KLHL30: variants seen among roughly 807,000 people sequenced by gnomAD.
The protein encoded by KLHL30 is kelch-like protein 30.
A neutral mutation model predicts 55.0 loss-of-function variants in KLHL30; 55 were observed. The observed-to-expected ratio is 1.00, with a 90% CI of 0.80 to 1.25. The LOEUF (loss-of-function observed/expected upper bound fraction) is 1.25. Ranked by LOEUF, KLHL30 falls within the 50% of genes most tolerant of loss-of-function variation. KLHL30 has a pLI of 0.00. For synonymous variants in KLHL30, 356 were observed against 372.6 expected, an observed-to-expected ratio of 0.96 and a Z score of 0.51; for missense variants, 786 against 811.6, an observed-to-expected ratio of 0.97 and a Z score of 0.38.
intron 7 of KLHL30, among the ~76,000 whole-genome samples, chr2:238,149,778 A>G (rs760619382): frequency 6.6e-6 from 1 of 152,046 alleles, no homozygotes; most frequent in Non-Finnish European, 1.5e-5. Context: ...CCATCCCACC[A>G]TGGCCCACTC....
chr2:238,143,022 C>T, intron 3 of KLHL30, 91 bp downstream of exon 3: 2 of 1,377,630 alleles, frequency 1.5e-6, no homozygotes, highest in South Asian at 1.8e-5. Context: ...GCGCATGAGG[C>T]TCGCAGAGGA....
Position 238,151,185 on chromosome 2 carries a change from T to C in KLHL30, c.*120T>C. On this transcript the variant is annotated 3_prime_UTR_variant, in exon 8 of 8. Transcript: ENST00000409223. ...AGCTACCATTCCTTCCAAGCTGCGCTCAGGCCACCAGGGGTGATCAGACGG... is the reference window on the plus strand; with the variant it reads ...AGCTACCATTCCTTCCAAGCTGCGCCCAGGCCACCAGGGGTGATCAGACGG... The C allele has an allele frequency of 1.5e-6, 2 of 1,374,576 alleles. No individual in the cohort carries two copies. The highest frequency in any genetic ancestry group is 2.0e-6 in the Non-Finnish European group (2 of 1,017,606). 85.1% of individuals were successfully genotyped at this position (1,374,576 alleles called of 1,614,324 possible). A position where few individuals can be genotyped will look rare whatever the true frequency, so the allele number is the denominator to read the frequency against.
At chr2:238,140,099 T>C (rs918021977) in intron 1 of KLHL30, among the ~76,000 whole-genome samples, 2 of 152,228 alleles carry the variant, frequency 1.3e-5, no homozygotes, top group African/African-American at 4.8e-5. Flanking sequence ...ATGTGTGATC[T>C]TGGGCAAGTG....
At chr2:238,140,428 C>A (rs1213545849) in intron 1 of KLHL30, among the ~76,000 whole-genome samples, 1 of 152,178 alleles carries the variant, frequency 6.6e-6, no homozygotes, top group East Asian at 1.9e-4. Context: ...CTGTTCTGCC[C>A]TGAATGCCTG....
chr2:238,152,251 G>A lies in KLHL30; in HGVS notation c.*1186G>A. 1.0e-6 allele frequency: 1 copy of A among 982,952 alleles called. No individual in the cohort carries two copies. Among genetic ancestry groups the A allele is most frequent in the Non-Finnish European group, 1.2e-6 (1 of 827,644 alleles). 60.9% of individuals were successfully genotyped at this position (982,952 alleles called of 1,614,324 possible). Reference sequence around the variant, plus strand: ...CCTCCTTAACACCCCCCGCCCCTGGGGACCAGAGGGGCCTCTGACATCCTT... The same window carrying A: ...CCTCCTTAACACCCCCCGCCCCTGGAGACCAGAGGGGCCTCTGACATCCTT... On this transcript the variant is annotated 3_prime_UTR_variant, in exon 8 of 8. Coordinates refer to ENST00000409223, the MANE Select transcript of KLHL30 (RefSeq NM_198582.4).
At chr2:238,148,183 G>A (rs550529443) in intron 6 of KLHL30, among the ~76,000 whole-genome samples, 161 bp downstream of exon 6, 1 of 152,338 alleles carries the variant, frequency 6.6e-6, no homozygotes, top group African/African-American at 2.4e-5. Flanking sequence ...GAGGGGATGT[G>A]GAGGAAGGCA....
chr2:238,144,702 G>A (rs1692616463), intron 3 of KLHL30, among the ~76,000 whole-genome samples, 200 bp from the exon 4 acceptor site: 1 of 152,144 alleles, frequency 6.6e-6, no homozygotes, highest in Non-Finnish European at 1.5e-5. Flanking sequence ...TGCGGAGTGG[G>A]TGGGGGAGAC....
Position 238,147,536 on chromosome 2 carries a change from C to G in KLHL30, c.1151-298C>G, listed in dbSNP as rs1692668584. ...AAATGACTCCCAGCACATGAGGGGC[C>G]TGGGGGCGGGCAGCCTCCTGACAGC... is the stretch of plus-strand genomic sequence containing the variant. On this transcript the variant is annotated intron_variant, in intron 5 of 7. Coordinates refer to ENST00000409223, the MANE Select transcript of KLHL30 (RefSeq NM_198582.4). The surrounding 1 kb of genome is among the most constrained non-coding windows in gnomAD (Gnocchi z 5.8). Among the ~76,000 whole-genome samples, 1 of 152,166 alleles carries G rather than the reference C, an allele frequency of 6.6e-6. No homozygotes were observed. Among genetic ancestry groups the G allele is most frequent in the African/African-American group, 2.4e-5 (1 of 41,432 alleles).
chr2:238,144,813 G>A, intron 3 of KLHL30, 89 bp from the exon 4 acceptor site: 5 of 937,138 alleles, frequency 5.3e-6, no homozygotes, highest in Non-Finnish European at 6.8e-6. Flanking sequence ...TGCACCCGGT[G>A]CATGGAAAGG....
Position 238,152,128 on chromosome 2 carries a change from C to G in KLHL30, c.*1063C>G. 1 of 985,452 alleles carries G rather than the reference C, an allele frequency of 1.0e-6. No individual in the cohort carries two copies. Among genetic ancestry groups the G allele is most frequent in the African/African-American group, 1.7e-5 (1 of 57,358 alleles). The allele number at this position is 985,452 out of a possible 1,614,324, so 61.0% of individuals were successfully genotyped here. On this transcript the variant is annotated 3_prime_UTR_variant, in exon 8 of 8. Coordinates refer to ENST00000409223, the MANE Select transcript of KLHL30 (RefSeq NM_198582.4). Reference sequence around the variant, plus strand: ...ATGGGGCTAGAAGTCAGGAGTCGGGCCCGGCCAGGCACAGGCCCTGGTGTT... The same window carrying G: ...ATGGGGCTAGAAGTCAGGAGTCGGGGCCGGCCAGGCACAGGCCCTGGTGTT...
At chr2:238,142,736 C>A in intron 2 of KLHL30, 63 bp from the exon 3 acceptor site, 1 of 1,336,022 alleles carries the variant, frequency 7.5e-7, no homozygotes, top group Non-Finnish European at 9.6e-7. Context: ...GCCCAGGACA[C>A]GCGGGGGCTC....
rs1692662091 is a variant in KLHL30, at chr2:238,147,111, C to T, written c.1151-723C>T. 6.7e-6 allele frequency among the ~76,000 whole-genome samples: 1 copy of T among 148,514 alleles called. No individual in the cohort carries two copies. Among genetic ancestry groups the T allele is most frequent in the Non-Finnish European group, 1.5e-5 (1 of 67,456 alleles). Reference sequence around the variant, plus strand: ...GCAATGAGCTGTAATCGCACCACTGCACTTCAGCCTGGGTGACCGAGCAAG... The same window carrying T: ...GCAATGAGCTGTAATCGCACCACTGTACTTCAGCCTGGGTGACCGAGCAAG... On this transcript the variant is annotated intron_variant, in intron 5 of 7. Coordinates refer to ENST00000409223, the MANE Select transcript of KLHL30 (RefSeq NM_198582.4). The surrounding 1 kb of genome is among the most constrained non-coding windows in gnomAD (Gnocchi z 5.8).
rs1053956368 is a variant in KLHL30 at position 238,147,989 on chromosome 2, G to A, written c.1306G>A (p.Ala436Thr). 26 of 1,535,212 alleles carry A rather than the reference G, an allele frequency of 1.7e-5. No homozygotes were observed. Among genetic ancestry groups the A allele is most frequent in the Non-Finnish European group, 2.2e-5 (25 of 1,139,612 alleles). ...LVGSSACKYN[A>T]LALQCYNPVT... ...GGGCTCCAGCGCCTGCAAGTACAAC[G>A]CCCTGGCCCTGCAGTGCTACAACCC... is the stretch of plus-strand genomic sequence containing the variant. The change falls in exon 6 of 8, where the codon GCC becomes ACC. Residue 436 changes from alanine (A) to threonine (T), a missense_variant. Coordinates refer to ENST00000409223, the MANE Select transcript of KLHL30 (RefSeq NM_198582.4). The surrounding 1 kb of genome is among the most constrained non-coding windows in gnomAD (Gnocchi z 5.8).
At position 238,147,630 on chromosome 2, in the gene KLHL30, G is replaced by T. The variant is rs902774493; in HGVS notation, c.1151-204G>T. ...AGGAGTGGGGCATTTCTAGGCCCGA[G>T]TGTCCACCCCCACCCCCACCACTTC... On this transcript the variant is annotated intron_variant, in intron 5 of 7. Transcript: ENST00000409223. The surrounding 1 kb of genome is among the most constrained non-coding windows in gnomAD (Gnocchi z 5.8). 1.4e-4 allele frequency among the ~76,000 whole-genome samples: 22 copies of T among 152,140 alleles called. No homozygotes were observed. Among genetic ancestry groups the T allele is most frequent in the Non-Finnish European group, 2.6e-4 (18 of 68,004 alleles).
chr2:238,151,157 C>A lies in KLHL30; in HGVS notation c.*92C>A. ...TTTCATTTTCGCTTATTTGTTCACT[C>A]GGAGCTACCATTCCTTCCAAGCTGC... is the stretch of plus-strand genomic sequence containing the variant. On this transcript the variant is annotated 3_prime_UTR_variant, in exon 8 of 8. Transcript: ENST00000409223. 6.8e-7 allele frequency: 1 copy of A among 1,469,122 alleles called. No individual in the cohort carries two copies. The highest frequency in any genetic ancestry group is 9.1e-7 in the Non-Finnish European group (1 of 1,095,184). The allele number at this position is 1,469,122 out of a possible 1,614,324, so 91.0% of individuals were successfully genotyped here.
intron 3 of KLHL30, among the ~76,000 whole-genome samples, chr2:238,144,137 C>T (rs1442889305): frequency 2.0e-5 from 3 of 152,218 alleles, no homozygotes; most frequent in East Asian, 1.9e-4. Flanking sequence ...CTCTGCCCCA[C>T]GACCCTAGGA....
Position 238,140,827 on chromosome 2 carries a change from C to T in KLHL30, c.73C>T (p.Arg25Cys), listed in dbSNP as rs759593008. Residue 25 changes from arginine to cysteine, a missense_variant, in exon 2 of 8, where the codon CGC becomes TGC. Coordinates refer to ENST00000409223, the MANE Select transcript of KLHL30 (RefSeq NM_198582.4). Reference sequence around the variant, plus strand: ...CCAGGACATGCTGGATGGCCTGCAGCGCCTGCGCTCTCAGCCCAAGCTGGC... The same window carrying T: ...CCAGGACATGCTGGATGGCCTGCAGTGCCTGCGCTCTCAGCCCAAGCTGGC... ...HAQDMLDGLQRLRSQPKLADV... is the reference protein window; with the variant it reads ...HAQDMLDGLQCLRSQPKLADV... 1.2e-5 allele frequency: 20 copies of T among 1,606,586 alleles called. No homozygotes were observed. Among genetic ancestry groups the T allele is most frequent in the African/African-American group, 1.2e-4 (9 of 74,968 alleles).
At chr2:238,150,231 G>A (rs1692726235) in intron 7 of KLHL30, among the ~76,000 whole-genome samples, 1 of 152,130 alleles carries the variant, frequency 6.6e-6, no homozygotes. Context: ...TCCAGGCCTG[G>A]GTCCTCACCT....
intron 3 of KLHL30, among the ~76,000 whole-genome samples, chr2:238,144,414 G>GGAAGGAAGGAAGGAAGGAAGGAAT (rs1692602637): frequency 9.9e-5 from 12 of 120,744 alleles, no homozygotes; most frequent in South Asian, 7.1e-4. Context: ...AAGGAAGGAA[G>GGAAGGAAGGAAGGAAGGAAGGAAT]GAAGGAAGGA....
Sources: gnomAD v4.1 joint callset for allele counts (sites outside exome capture counted in the v4.1 genomes callset) on GRCh38, gnomAD v4.1.1 for gene constraint, Gnocchi (gnomAD v3.1) non-coding constraint, MANE v1.5 for transcripts, NCBI Gene and HGNC (gene_info 2026-07-23, HGNC 2026-07-21) for gene names.